The following DCAF8L2 variants were observed in gnomAD, a reference collection of about 807,000 sequenced individuals.
DCAF8L2 encodes the protein DDB1 and CUL4 associated factor 8 like 2.
For missense variants in DCAF8L2, 430 were observed against 490.7 expected, an observed-to-expected ratio of 0.88 and a Z score of 1.17; for synonymous variants, 200 against 190.9, an observed-to-expected ratio of 1.05 and a Z score of -0.39.
At chrX:27,670,091 A>C (rs1193446254) in intron 2 of DCAF8L2, among the ~76,000 whole-genome samples, 2 of 106,019 alleles carry the variant, frequency 1.9e-5, no homozygotes. Flanking sequence ...CAATTACATA[A>C]TCTTTGTTTT....
rs767440774 is a variant in DCAF8L2 at position 27,748,812 on chromosome X, C to T, written c.*21C>T. ...CCTGAAGGCCTCATATCCAGTCCAG[C>T]TACATGCCACCTAAGTACACTGGAC... On this transcript the variant is annotated 3_prime_UTR_variant, in exon 5 of 5. Transcript: ENST00000451261. 1.7e-6 allele frequency: 2 copies of T among 1,171,662 alleles called. No homozygotes were observed. Among genetic ancestry groups the T allele is most frequent in the East Asian group, 6.0e-5 (2 of 33,317 alleles).
chrX:27,476,345 G>T, the DCAF8L2 span, among the ~76,000 whole-genome samples: 1 of 111,491 alleles, frequency 9.0e-6, no homozygotes, highest in Non-Finnish European at 1.9e-5. Flanking sequence ...AGGATAAGGA[G>T]AAGTTGATAA....
At chrX:27,620,311 G>C (rs1360234039) in intron 1 of DCAF8L2, among the ~76,000 whole-genome samples, 1 of 111,552 alleles carries the variant, frequency 9.0e-6, no homozygotes, top group East Asian at 2.8e-4. Context: ...AATATAGCCA[G>C]AGGATACACT....
upstream of DCAF8L2, among the ~76,000 whole-genome samples, chrX:27,587,717 T>TAGTTTG (rs1925930347): frequency 9.0e-6 from 1 of 110,884 alleles, no homozygotes; most frequent in South Asian, 3.7e-4. Flanking sequence ...CCAAAGGGAC[T>TAGTTTG]TCAGTATATG....
chrX:27,639,701 T>G (rs1295957962), intron 2 of DCAF8L2, among the ~76,000 whole-genome samples: 4 of 111,620 alleles, frequency 3.6e-5, no homozygotes, highest in Non-Finnish European at 7.5e-5. Context: ...CAATTTACAT[T>G]TTTTAAATTA....
the DCAF8L2 span, among the ~76,000 whole-genome samples, chrX:27,489,663 T>G: frequency 1.8e-5 from 2 of 112,216 alleles, no homozygotes; most frequent in Non-Finnish European, 3.7e-5. Flanking sequence ...ATCTTTTGTG[T>G]AGTTTACTAA....
At chrX:27,478,263 A>T in the DCAF8L2 span, among the ~76,000 whole-genome samples, 1 of 112,397 alleles carries the variant, frequency 8.9e-6, no homozygotes, top group African/African-American at 3.2e-5. Context: ...GATTATTTTT[A>T]AAATGTAAAT....
At chrX:27,480,545 G>A in the DCAF8L2 span, among the ~76,000 whole-genome samples, 1 of 111,753 alleles carries the variant, frequency 8.9e-6, no homozygotes, top group Admixed American at 9.5e-5. Context: ...CTTGGCGGTG[G>A]CTCTGTCTCC....
intron 1 of DCAF8L2, among the ~76,000 whole-genome samples, chrX:27,592,510 C>T (rs1926156964): frequency 9.4e-6 from 1 of 106,539 alleles, no homozygotes; most frequent in Admixed American, 1.0e-4. Flanking sequence ...GATCTTGGCT[C>T]ACCGCAACCT....
the DCAF8L2 span, among the ~76,000 whole-genome samples, chrX:27,491,190 T>C: frequency 8.9e-6 from 1 of 112,952 alleles, no homozygotes; most frequent in South Asian, 3.6e-4. Context: ...ATTTGTACTT[T>C]TTTGTTTTAT....
At chrX:27,555,139 G>C in the DCAF8L2 span, among the ~76,000 whole-genome samples, 1 of 111,816 alleles carries the variant, frequency 8.9e-6, no homozygotes, top group South Asian at 3.7e-4. Context: ...CAATGGCTGA[G>C]ATGCTGTAAC....
intron 3 of DCAF8L2, among the ~76,000 whole-genome samples, chrX:27,702,683 T>C (rs1482305532): frequency 2.7e-5 from 3 of 111,010 alleles, no homozygotes; most frequent in Non-Finnish European, 3.8e-5. Flanking sequence ...CTTAACAAGC[T>C]AGTAATAAAA....
chrX:27,474,517 A>G, the DCAF8L2 span, among the ~76,000 whole-genome samples: 3 of 111,474 alleles, frequency 2.7e-5, no homozygotes, highest in Non-Finnish European at 5.6e-5. Context: ...CAATATTCTT[A>G]CTATGTCTTG....
At chrX:27,532,060 TCG>T in the DCAF8L2 span, among the ~76,000 whole-genome samples, 61 of 97,253 alleles carry the variant, frequency 6.3e-4, no homozygotes, top group African/African-American at 2.3e-3. Context: ...TAAATTGATA[TCG>T]ATATATATAT....
At chrX:27,617,234 A>G (rs189062710) in intron 1 of DCAF8L2, among the ~76,000 whole-genome samples, 7 of 111,365 alleles carry the variant, frequency 6.3e-5, no homozygotes, top group Non-Finnish European at 9.4e-5. Context: ...CCTGACCTTC[A>G]TTATAAATAT....
the DCAF8L2 span, among the ~76,000 whole-genome samples, chrX:27,502,756 A>G: frequency 3.6e-5 from 4 of 111,217 alleles, no homozygotes; most frequent in African/African-American, 6.5e-5. Context: ...CACATTGCCA[A>G]TGTATTTATT....
the DCAF8L2 span, among the ~76,000 whole-genome samples, chrX:27,536,102 G>T: frequency 3.6e-5 from 4 of 111,083 alleles, 1 homozygote; most frequent in African/African-American, 1.3e-4. Flanking sequence ...CATAAATATG[G>T]CATCCCAGAT....
chrX:27,646,162 T>G (rs1928928403), intron 2 of DCAF8L2, among the ~76,000 whole-genome samples: 1 of 111,711 alleles, frequency 9.0e-6, no homozygotes, highest in Non-Finnish European at 1.9e-5. Context: ...AACTTCAAAC[T>G]ATATTACAAA....
At chrX:27,616,323 G>A (rs1421855034) in intron 1 of DCAF8L2, among the ~76,000 whole-genome samples, 1 of 110,165 alleles carries the variant, frequency 9.1e-6, no homozygotes, top group Admixed American at 9.7e-5. Context: ...AGTACATTAA[G>A]TTTTTTGACT....
Sources: gnomAD v4.1 joint callset for allele counts (sites outside exome capture counted in the v4.1 genomes callset) on GRCh38, gnomAD v4.1.1 for gene constraint, MANE v1.5 for transcripts, NCBI Gene and HGNC (gene_info 2026-07-23, HGNC 2026-07-21) for gene names.